The following FSD2 variants were observed in gnomAD, a reference collection of about 807,000 sequenced individuals.
The protein encoded by FSD2 is fibronectin type III and SPRY domain-containing protein 2.
FSD2 carries 71 observed loss-of-function variants against 80.4 expected under a neutral mutation model. That is an observed-to-expected ratio of 0.88 (90% confidence interval 0.73 to 1.08). The LOEUF (loss-of-function observed/expected upper bound fraction) is 1.08. FSD2 is among the 50% of genes least tolerant of loss of function. The probability of loss-of-function intolerance (pLI) is 0.00; values close to 1 mark genes in which losing one functional copy is unlikely to be tolerated. For missense variants in FSD2, 923 were observed against 913.8 expected, an observed-to-expected ratio of 1.01 and a Z score of -0.13; for synonymous variants, 361 against 329.5, an observed-to-expected ratio of 1.10 and a Z score of -1.03.
intron 1 of FSD2, among the ~76,000 whole-genome samples, chr15:82,790,723 C>T (rs1010454564): frequency 8.0e-5 from 12 of 150,212 alleles, no homozygotes; most frequent in Admixed American, 1.3e-4. Context: ...CTATAGGCGC[C>T]CGCCACCATG....
chr15:82,784,256 T>TTTTA (rs372962730), intron 3 of FSD2, among the ~76,000 whole-genome samples: 38 of 136,456 alleles, frequency 2.8e-4, no homozygotes, highest in East Asian at 8.6e-4. Context: ...TTTTATTTTA[T>TTTTA]TTTTTTTTTA....
At position 82,769,615 on chromosome 15, in the gene FSD2, A is replaced by G. The variant is rs1596234407; in HGVS notation, c.1402+135T>C. ...ACTAGGCATGTAGATTTTGTGTGTTAAATAAAAGAAAAAAATGTACACAGC... is the reference window on the plus strand; with the variant it reads ...ACTAGGCATGTAGATTTTGTGTGTTGAATAAAAGAAAAAAATGTACACAGC... On this transcript the variant is annotated intron_variant, in intron 8 of 12. Transcript: ENST00000334574. The G allele has an allele frequency of 1.1e-5, 12 of 1,106,904 alleles. No individual in the cohort carries two copies. The African/African-American group carries it at 1.2e-4, about 11-fold the overall frequency. 68.6% of individuals were successfully genotyped at this position (1,106,904 alleles called of 1,614,324 possible).
intron 5 of FSD2, among the ~76,000 whole-genome samples, chr15:82,779,945 G>T (rs1201736988): frequency 6.6e-6 from 1 of 152,068 alleles, no homozygotes; most frequent in African/African-American, 2.4e-5. Flanking sequence ...GGGGATGTTG[G>T]GGGTACTCCA....
intron 5 of FSD2, among the ~76,000 whole-genome samples, chr15:82,779,896 ACTTTCTGCAACTGGACAGT>A (rs2151509930): frequency 6.6e-6 from 1 of 152,130 alleles, no homozygotes; most frequent in East Asian, 1.9e-4. Flanking sequence ...AAATGTGCAC[ACTTTCTGCAACTGGACAGT>A]CTGGGTCCAG....
intron 9 of FSD2, among the ~76,000 whole-genome samples, chr15:82,766,778 G>A (rs1241345507): frequency 6.6e-6 from 1 of 150,758 alleles, no homozygotes. Flanking sequence ...ATGTTTATGA[G>A]CAAACAATTC....
intron 11 of FSD2, among the ~76,000 whole-genome samples, chr15:82,763,765 G>A (rs1309388273): frequency 1.3e-5 from 2 of 152,098 alleles, no homozygotes; most frequent in Admixed American, 6.6e-5. Context: ...ATCTGATCTT[G>A]TTCCCCTGCT....
At chr15:82,762,970 A>G (rs374710530) in intron 11 of FSD2, among the ~76,000 whole-genome samples, 23 of 152,222 alleles carry the variant, frequency 1.5e-4, no homozygotes, top group African/African-American at 5.3e-4. Flanking sequence ...ATAGACCTCA[A>G]CATCCCTAGA....
chr15:82,793,629 T>C (rs1344631743), intron 1 of FSD2, among the ~76,000 whole-genome samples: 23 of 152,162 alleles, frequency 1.5e-4, no homozygotes, highest in Admixed American at 1.4e-3. Context: ...GGGCCCTGAA[T>C]TCACTTTGGA....
At chr15:82,775,291 G>A (rs1259350025) in intron 6 of FSD2, among the ~76,000 whole-genome samples, 1 of 151,706 alleles carries the variant, frequency 6.6e-6, no homozygotes, top group Admixed American at 6.6e-5. Context: ...CCAGCTACTC[G>A]GGAGGCTGAG....
rs891510873 is a variant in FSD2, at chr15:82,759,012, G to C, written c.*336C>G. 4.5e-6 allele frequency: 1 copy of C among 222,550 alleles called. No homozygotes were observed. The highest frequency in any genetic ancestry group is 5.3e-5 in the Admixed American group (1 of 18,884). 13.8% of individuals were successfully genotyped at this position (222,550 alleles called of 1,614,324 possible). On this transcript the variant is annotated 3_prime_UTR_variant, in exon 13 of 13. Transcript: ENST00000334574. ...TGCTGGAGCCATTAAGACTACCCTC[G>C]TCCTCTCCCAAGCTCTCTAGGTCTT... is the stretch of plus-strand genomic sequence containing the variant.
chr15:82,763,744 T>C (rs1049324742), intron 11 of FSD2, among the ~76,000 whole-genome samples: 1 of 152,138 alleles, frequency 6.6e-6, no homozygotes, highest in African/African-American at 2.4e-5. Flanking sequence ...CTGGAATCTT[T>C]CTGAAATGTA....
Position 82,762,273 on chromosome 15 carries a change from A to G in FSD2, c.1826T>C (p.Val609Ala), listed in dbSNP as rs2049311237. 6.2e-7 allele frequency: 1 copy of G among 1,613,470 alleles called. No individual in the cohort carries two copies. The highest frequency in any genetic ancestry group is 1.7e-5 in the Admixed American group (1 of 59,946). The change falls in exon 12 of 13, where the codon GTT (valine) becomes GCT (alanine). Residue 609 changes from valine to alanine, a missense_variant. Physicochemically the swap from Val to Ala is moderately conservative, Grantham distance 64. Transcript: ENST00000334574. ...TGGAATTAGATTTCCCATGACAGCA[A>G]CACACCTGGTTTTAGAAAGTGGAAG... is the stretch of plus-strand genomic sequence containing the variant. ...SPSDTHFTRCVAVMGNLIPVR... is the reference protein window; with the variant it reads ...SPSDTHFTRCAAVMGNLIPVR...
chr15:82,768,200 T>C (rs1177140067), intron 9 of FSD2, among the ~76,000 whole-genome samples: 1 of 152,252 alleles, frequency 6.6e-6, no homozygotes. Context: ...TGTTTTCGCC[T>C]ATGGCTTTCA....
intron 11 of FSD2, 140 bp downstream of exon 11, chr15:82,765,026 A>G (rs8036185): frequency 0.29 from 308,375 of 1,065,766 alleles, 46,678 homozygotes; most frequent in African/African-American, 0.44. Flanking sequence ...TCCCCTCCCC[A>G]TTAGGCTCCT....
chr15:82,798,977 A>T (rs1022605992), intron 1 of FSD2, among the ~76,000 whole-genome samples: 4 of 147,512 alleles, frequency 2.7e-5, no homozygotes, highest in African/African-American at 1.0e-4. Context: ...TTCTGGGCTC[A>T]AACAATCCTC....
chr15:82,759,445 A>G lies in FSD2; in HGVS notation c.2153T>C (p.Leu718Pro). The G allele has an allele frequency of 6.2e-7, 1 of 1,613,712 alleles. No individual in the cohort carries two copies. Among genetic ancestry groups the G allele is most frequent in the South Asian group, 1.1e-5 (1 of 90,980 alleles). The stretch of plus-strand genomic sequence containing the variant: ...AAAACAGGGATGCACAAATTCGTGA[A>G]GCTGACAACTAAATGTATATAGATG... ...SQHLYTFSCQ[L>P]HEFVHPCFSL... Residue 718 changes from leucine (L) to proline (P), a missense_variant, in exon 13 of 13, where the codon CTT (leucine) becomes CCT (proline). Leu to Pro is a moderately conservative substitution (Grantham distance 98). Coordinates refer to ENST00000334574, the MANE Select transcript of FSD2 (RefSeq NM_001007122.4).
chr15:82,778,906 A>C lies in FSD2; in HGVS notation c.990-19T>G. 6.2e-7 allele frequency: 1 copy of C among 1,613,802 alleles called. No homozygotes were observed. Among genetic ancestry groups the C allele is most frequent in the Non-Finnish European group, 8.5e-7 (1 of 1,179,740 alleles). ...CCCGAGTCTGTTGGTATAAAAAGAC[A>C]TGCTGACTAGAATGGAGGGGCATTC... On this transcript the variant is annotated intron_variant, in intron 5 of 12. Transcript: ENST00000334574.
intron 1 of FSD2, among the ~76,000 whole-genome samples, chr15:82,802,574 C>G (rs1013438584): frequency 2.6e-5 from 4 of 152,146 alleles, no homozygotes; most frequent in Admixed American, 6.6e-5. Flanking sequence ...TCTTACTTGG[C>G]ATCATGGGGG....
chr15:82,782,341 G>A (rs1359997494), intron 4 of FSD2, among the ~76,000 whole-genome samples: 5 of 144,922 alleles, frequency 3.5e-5, no homozygotes, highest in South Asian at 2.2e-4. Context: ...CAGAGCTGGC[G>A]GTGAGCCGAG....
Sources: gnomAD v4.1 joint callset for allele counts (sites outside exome capture counted in the v4.1 genomes callset) on GRCh38, gnomAD v4.1.1 for gene constraint, MANE v1.5 for transcripts, NCBI Gene and HGNC (gene_info 2026-07-23, HGNC 2026-07-21) for gene names.